Variants in PRKD1 observed in about 807,000 individuals in gnomAD.
PRKD1 encodes the protein serine/threonine-protein kinase D1.
A neutral mutation model predicts 95.9 loss-of-function variants in PRKD1; 63 were observed. The ratio of observed to expected loss-of-function variants is 0.66; its 90% CI spans 0.54 to 0.81. PRKD1 has a LOEUF of 0.81. PRKD1 is among the 30% of genes least tolerant of loss of function. The pLI, the probability that PRKD1 is intolerant of heterozygous loss-of-function variation, is 0.00. For synonymous variants in PRKD1, 425 were observed against 423.1 expected (o/e 1.00, Z -0.05); for missense variants, 1,048 against 1,165.3 (o/e 0.90, Z 1.47).
chr14:29,804,588 T>TAAAA (rs10654939), intron 1 of PRKD1, among the ~76,000 whole-genome samples: 1 of 145,630 alleles, frequency 6.9e-6, no homozygotes. Flanking sequence ...ACAATCCAAC[T>TAAAA]AAAAAAAAAA....
intron 1 of PRKD1, among the ~76,000 whole-genome samples, chr14:29,820,626 T>G (rs1273521321): frequency 2.0e-5 from 3 of 152,170 alleles, no homozygotes; most frequent in Non-Finnish European, 4.4e-5. Flanking sequence ...CAGATCAGTA[T>G]GGTTGGGAAC....
At chr14:29,600,797 G>A (rs979865220) in intron 13 of PRKD1, among the ~76,000 whole-genome samples, 1 of 152,042 alleles carries the variant, frequency 6.6e-6, no homozygotes, top group Non-Finnish European at 1.5e-5. Context: ...GTAAAATTAC[G>A]CTTAGCATTA....
intron 1 of PRKD1, among the ~76,000 whole-genome samples, chr14:29,913,649 A>G (rs1336502801): frequency 6.6e-6 from 1 of 152,228 alleles, no homozygotes; most frequent in Non-Finnish European, 1.5e-5. Context: ...ATCCTAGTTG[A>G]CATTCCACAT....
chr14:29,703,882 T>C (rs1015966751), intron 2 of PRKD1, among the ~76,000 whole-genome samples: 1 of 152,170 alleles, frequency 6.6e-6, no homozygotes, highest in Non-Finnish European at 1.5e-5. Flanking sequence ...GCCTTTCACA[T>C]GGCCTCTCAC....
At chr14:29,633,578 T>C (rs1880170322) in intron 8 of PRKD1, among the ~76,000 whole-genome samples, 1 of 152,188 alleles carries the variant, frequency 6.6e-6, no homozygotes, top group Non-Finnish European at 1.5e-5. Flanking sequence ...ACACTGTAGG[T>C]ATATCTTTCA....
At chr14:29,643,670 G>T (rs1880945026) in intron 4 of PRKD1, among the ~76,000 whole-genome samples, 1 of 152,132 alleles carries the variant, frequency 6.6e-6, no homozygotes, top group Non-Finnish European at 1.5e-5. Context: ...TTCCCAACAA[G>T]GTATATTCCA....
chr14:29,697,322 C>T (rs185814321), intron 2 of PRKD1, among the ~76,000 whole-genome samples: 149 of 152,196 alleles, frequency 9.8e-4, no homozygotes, highest in African/African-American at 3.4e-3. Flanking sequence ...ATACCATGTT[C>T]CAAGGCAGAT....
intron 13 of PRKD1, among the ~76,000 whole-genome samples, chr14:29,611,410 G>A (rs1185987163): frequency 6.6e-6 from 1 of 151,866 alleles, no homozygotes; most frequent in Non-Finnish European, 1.5e-5. Context: ...TCATACACTG[G>A]GGAATCATTG....
At chr14:29,863,943 G>A (rs1328965299) in intron 1 of PRKD1, among the ~76,000 whole-genome samples, 3 of 152,100 alleles carry the variant, frequency 2.0e-5, no homozygotes, top group African/African-American at 7.2e-5. Context: ...AAACAATGTG[G>A]TGGTGAAGAA....
At chr14:29,709,043 A>T (rs999337205) in intron 2 of PRKD1, among the ~76,000 whole-genome samples, 1 of 152,150 alleles carries the variant, frequency 6.6e-6, no homozygotes, top group African/African-American at 2.4e-5. Flanking sequence ...ATTGTTATTA[A>T]GCAAATTCCC....
intron 16 of PRKD1, among the ~76,000 whole-genome samples, chr14:29,588,797 TG>T (rs1181635147): frequency 7.3e-3 from 250 of 34,478 alleles, no homozygotes; most frequent in African/African-American, 0.021. Context: ...AAGTTGTGTG[TG>T]TGTGTGTGTG....
chr14:29,734,893 G>C (rs1213028250), intron 1 of PRKD1, among the ~76,000 whole-genome samples: 1 of 152,082 alleles, frequency 6.6e-6, no homozygotes. Context: ...AGACAATTAG[G>C]CTCTGCTTGG....
At chr14:29,632,093 G>A (rs1957457) in intron 9 of PRKD1, among the ~76,000 whole-genome samples, 1 of 151,956 alleles carries the variant, frequency 6.6e-6, no homozygotes, top group Non-Finnish European at 1.5e-5. Context: ...GAGCCACTGC[G>A]CCTGGCCAAT....
chr14:29,722,103 A>T (rs1434271771), intron 2 of PRKD1, among the ~76,000 whole-genome samples: 3 of 152,198 alleles, frequency 2.0e-5, no homozygotes, highest in African/African-American at 7.2e-5. Flanking sequence ...TCTCATTTTT[A>T]CTGCAGTCCT....
chr14:29,683,876 T>C (rs930828273), intron 2 of PRKD1, among the ~76,000 whole-genome samples: 2 of 152,248 alleles, frequency 1.3e-5, no homozygotes, highest in East Asian at 3.9e-4. Flanking sequence ...TCTAAGGCTT[T>C]TGGAATTTAA....
chr14:29,836,719 A>G (rs1254263933), intron 1 of PRKD1, among the ~76,000 whole-genome samples: 1 of 152,186 alleles, frequency 6.6e-6, no homozygotes. Flanking sequence ...GGGTTCTGAG[A>G]GGAAGACCAG....
chr14:29,673,512 C>G (rs978442270), intron 2 of PRKD1, among the ~76,000 whole-genome samples: 1 of 152,208 alleles, frequency 6.6e-6, no homozygotes, highest in South Asian at 2.1e-4. Context: ...TTCTCTTTTC[C>G]ATAGCGTCCT....
chr14:29,726,649 A>G (rs1230615990), intron 1 of PRKD1, among the ~76,000 whole-genome samples: 1 of 152,112 alleles, frequency 6.6e-6, no homozygotes, highest in Non-Finnish European at 1.5e-5. Flanking sequence ...TCTTAGTCTT[A>G]GAATTAGGGG....
intron 16 of PRKD1, among the ~76,000 whole-genome samples, chr14:29,595,191 A>G (rs1893257234): frequency 6.6e-6 from 1 of 152,164 alleles, no homozygotes; most frequent in Non-Finnish European, 1.5e-5. Flanking sequence ...TAGCCAAGTA[A>G]AATGTGTACT....
Sources: gnomAD v4.1 joint callset for allele counts (sites outside exome capture counted in the v4.1 genomes callset) on GRCh38, gnomAD v4.1.1 for gene constraint, MANE v1.5 for transcripts, NCBI Gene and HGNC (gene_info 2026-07-23, HGNC 2026-07-21) for gene names.